Variants in PLXNA2 observed in about 807,000 individuals in gnomAD.
The protein encoded by PLXNA2 is plexin A2.
PLXNA2 carries 91 observed loss-of-function variants against 193.5 expected under a neutral mutation model. The ratio of observed to expected loss-of-function variants is 0.47; its 90% confidence interval spans 0.40 to 0.56. The LOEUF is 0.56. Among genes scored for constraint, PLXNA2 ranks in the 20% least tolerant of loss-of-function variants. The pLI, the probability that PLXNA2 is intolerant of heterozygous loss-of-function variation, is 0.00. For synonymous variants in PLXNA2, 997 were observed against 1,027.3 expected, an observed-to-expected ratio of 0.97 and a Z score of 0.56; for missense variants, 1,995 against 2,503.2, an observed-to-expected ratio of 0.80 and a Z score of 4.33.
chr1:208,142,502 A>G, intron 3 of PLXNA2, 39 bp from the exon 4 acceptor site: 1 of 1,550,260 alleles, frequency 6.5e-7, no homozygotes. Context: ...ATCTGCCCTC[A>G]GTATTCCCCT....
chr1:208,127,877 T>C (rs1668022928), intron 4 of PLXNA2, among the ~76,000 whole-genome samples: 1 of 151,978 alleles, frequency 6.6e-6, no homozygotes, highest in African/African-American at 2.4e-5. Flanking sequence ...GAGCAGCGAG[T>C]AGGGAAGATC....
At chr1:208,086,711 CAT>C (rs1240871216) in intron 9 of PLXNA2, among the ~76,000 whole-genome samples, 2 of 148,434 alleles carry the variant, frequency 1.3e-5, no homozygotes, top group Non-Finnish European at 3.0e-5. Context: ...GCTGCCAACT[CAT>C]AAACTTGCTC....
chr1:208,039,955 C>T, intron 23 of PLXNA2, 37 bp downstream of exon 23: 1 of 1,604,162 alleles, frequency 6.2e-7, no homozygotes, highest in Non-Finnish European at 8.5e-7. Context: ...TGCCATCCTG[C>T]CCTGGACGCT....
chr1:208,040,352 T>A (rs1462091856), intron 22 of PLXNA2: 2 of 411,856 alleles, frequency 4.9e-6, no homozygotes, highest in Admixed American at 7.9e-5. Flanking sequence ...GGTCTGTGGA[T>A]AAAGGCACCT....
At chr1:208,113,078 GA>G (rs1442564917) in intron 4 of PLXNA2, among the ~76,000 whole-genome samples, 3 of 150,476 alleles carry the variant, frequency 2.0e-5, no homozygotes, top group Admixed American at 6.6e-5. Flanking sequence ...TATTCAGTTA[GA>G]AAAAGCAGCT....
intron 3 of PLXNA2, among the ~76,000 whole-genome samples, chr1:208,182,903 C>T (rs187639535): frequency 2.6e-5 from 4 of 152,136 alleles, no homozygotes; most frequent in Admixed American, 6.5e-5. Flanking sequence ...AGCCAAGGAG[C>T]CAAGATCAGA....
intron 12 of PLXNA2, among the ~76,000 whole-genome samples, chr1:208,078,280 T>G (rs1666224071): frequency 1.3e-5 from 2 of 152,164 alleles, no homozygotes; most frequent in African/African-American, 4.8e-5. Context: ...GCAGCACCCA[T>G]TCTATCTTGA....
chr1:208,096,649 T>C (rs1666901677), intron 7 of PLXNA2, 81 bp downstream of exon 7: 2 of 1,491,972 alleles, frequency 1.3e-6, no homozygotes, highest in Non-Finnish European at 1.8e-6. Context: ...AAGAAGACTG[T>C]GTGCCTAGTT....
chr1:208,074,031 C>A (rs1175724059), intron 12 of PLXNA2, among the ~76,000 whole-genome samples: 1 of 152,226 alleles, frequency 6.6e-6, no homozygotes, highest in Non-Finnish European at 1.5e-5. Flanking sequence ...TTTGCTAGGG[C>A]AGCCCTAGGA....
chr1:208,087,361 A>G (rs1666564987), intron 9 of PLXNA2, among the ~76,000 whole-genome samples: 1 of 151,890 alleles, frequency 6.6e-6, no homozygotes, highest in South Asian at 2.1e-4. Flanking sequence ...TGGAGGTTGG[A>G]GAATCATGAG....
At chr1:208,122,725 G>A (rs571678827) in intron 4 of PLXNA2, among the ~76,000 whole-genome samples, 154 of 152,232 alleles carry the variant, frequency 1.0e-3, no homozygotes, top group Non-Finnish European at 1.7e-3. Flanking sequence ...AAGGCAGGGG[G>A]AAGAAAGCAG....
chr1:208,204,178 G>A (rs1047213138), intron 3 of PLXNA2, among the ~76,000 whole-genome samples: 9 of 152,184 alleles, frequency 5.9e-5, no homozygotes, highest in African/African-American at 1.9e-4. Flanking sequence ...GCCAGAATAG[G>A]CCGGGGCCCT....
intron 7 of PLXNA2, among the ~76,000 whole-genome samples, chr1:208,096,487 A>C (rs1377629817): frequency 6.6e-6 from 1 of 152,192 alleles, no homozygotes; most frequent in Non-Finnish European, 1.5e-5. Context: ...CTCCATTCCT[A>C]GGAGGGACGG....
At chr1:208,200,577 C>CTTTTTTTTTTTTTT (rs36026400) in intron 3 of PLXNA2, among the ~76,000 whole-genome samples, 6 of 113,998 alleles carry the variant, frequency 5.3e-5, no homozygotes, top group South Asian at 2.9e-4. Context: ...CCCAATCCTT[C>CTTTTTTTTTTTTTT]TTTTTTTTTT....
intron 9 of PLXNA2, among the ~76,000 whole-genome samples, chr1:208,087,395 T>C (rs1666566008): frequency 6.9e-6 from 1 of 145,810 alleles, no homozygotes; most frequent in Admixed American, 6.9e-5. Flanking sequence ...TACTATTACA[T>C]GAGTTTTTTT....
intron 4 of PLXNA2, among the ~76,000 whole-genome samples, chr1:208,122,709 G>A (rs1257663250): frequency 6.6e-6 from 1 of 152,082 alleles, no homozygotes; most frequent in Non-Finnish European, 1.5e-5. Context: ...GAAATAATAG[G>A]AGAACAAGGC....
intron 12 of PLXNA2, among the ~76,000 whole-genome samples, chr1:208,071,503 A>G (rs943506508): frequency 1.3e-5 from 2 of 152,024 alleles, no homozygotes; most frequent in Non-Finnish European, 2.9e-5. Context: ...ATTCTTTTCC[A>G]CTTGAAGTGT....
chr1:208,243,479 G>T (rs967050025), intron 1 of PLXNA2, among the ~76,000 whole-genome samples, 164 bp downstream of exon 1: 59 of 152,046 alleles, frequency 3.9e-4, no homozygotes, highest in Non-Finnish European at 6.3e-4. Context: ...CCGCGAAAGT[G>T]GCCGAGCCCA....
Position 208,038,840 on chromosome 1 carries a change from C to T in PLXNA2, c.4645G>A (p.Val1549Met), listed in dbSNP as rs1370161340. 6.8e-6 allele frequency: 11 copies of T among 1,613,872 alleles called. No homozygotes were observed. The highest frequency in any genetic ancestry group is 9.3e-6 in the Non-Finnish European group (11 of 1,179,896). The part of the protein sequence containing the change: ...NVPYSQRPRA[V>M]DMDLEWRQGR... ...GGTTTCCTACCCAAGTCCATGTCCA[C>T]TGCCCTCGGCCGCTGGGAATAGGGC... The change falls in exon 25 of 32, where the codon GTG (valine) becomes ATG (methionine). Residue 1549 changes from valine to methionine, a missense_variant. By Grantham distance (21) the Val-to-Met change is conservative (BLOSUM62 1). Coordinates refer to ENST00000367033, the MANE Select transcript of PLXNA2 (RefSeq NM_025179.4). The surrounding 1 kb of genome is among the most constrained non-coding windows in gnomAD (Gnocchi z 4.1).
Sources: gnomAD v4.1 joint callset for allele counts (sites outside exome capture counted in the v4.1 genomes callset) on GRCh38, gnomAD v4.1.1 for gene constraint, Gnocchi (gnomAD v3.1) non-coding constraint, MANE v1.5 for transcripts, NCBI Gene and HGNC (gene_info 2026-07-23, HGNC 2026-07-21) for gene names.